The following ATXN7L1 variants were observed in gnomAD, a reference collection of about 807,000 sequenced individuals.
ATXN7L1 encodes ataxin-7-like protein 1.
ATXN7L1 carries 15 observed loss-of-function variants against 70.8 expected under a neutral mutation model. That is an observed-to-expected ratio of 0.21 (90% confidence interval 0.14 to 0.33). The LOEUF (loss-of-function observed/expected upper bound fraction) is 0.33, where lower values mean the gene tolerates loss of function less well. Ranked by LOEUF, ATXN7L1 falls within the 10% of genes least tolerant of loss-of-function variation. ATXN7L1 has a pLI of 1.00. For missense variants in ATXN7L1, 975 were observed against 1,097.1 expected, an observed-to-expected ratio of 0.89 and a Z score of 1.57; for synonymous variants, 440 against 445.1, an observed-to-expected ratio of 0.99 and a Z score of 0.14.
chr7:105,716,227 T>C (rs1014703711), intron 3 of ATXN7L1, among the ~76,000 whole-genome samples: 2 of 152,128 alleles, frequency 1.3e-5, no homozygotes, highest in African/African-American at 2.4e-5. Context: ...TATAAATTCA[T>C]TATATACTTA....
At chr7:105,788,499 G>T in intron 3 of ATXN7L1, 105 bp downstream of exon 3, 1 of 942,386 alleles carries the variant, frequency 1.1e-6, no homozygotes, top group Non-Finnish European at 1.7e-6. Flanking sequence ...CACAGCCTCA[G>T]GCTGAGACAA....
In ATXN7L1 at chr7:105,727,769, T is replaced by TATATATATA. The variant is rs1471265583; in HGVS notation, c.355+60826_355+60834dup. Reference sequence around the variant, plus strand: ...GTGTATATATATATATATATATATATATATATATACACACACATACACACA... The same window carrying TATATATATA: ...GTGTATATATATATATATATATATATATATATATAATATATATACACACACATACACACA... On this transcript the variant is annotated intron_variant, in intron 3 of 11. Transcript: ENST00000419735. Among the ~76,000 whole-genome samples, 345 of 120,218 alleles carry TATATATATA rather than the reference T, an allele frequency of 2.9e-3. 1 individual carries two copies. The highest frequency in any genetic ancestry group is 4.6e-3 in the Non-Finnish European group (270 of 59,200). 78.9% of individuals were successfully genotyped at this position (120,218 alleles called of 152,430 possible).
At chr7:105,746,285 C>G (rs1435376509) in intron 3 of ATXN7L1, among the ~76,000 whole-genome samples, 1 of 152,210 alleles carries the variant, frequency 6.6e-6, no homozygotes, top group East Asian at 1.9e-4. Context: ...GCATGTCTCT[C>G]TCTGGCTCAG....
intron 4 of ATXN7L1, among the ~76,000 whole-genome samples, chr7:105,660,945 T>C (rs1801514861): frequency 6.6e-6 from 1 of 152,214 alleles, no homozygotes; most frequent in Non-Finnish European, 1.5e-5. Context: ...CCTTCTCCTT[T>C]GCTACCAACC....
chr7:105,663,774 C>CT (rs1426191054), intron 4 of ATXN7L1, among the ~76,000 whole-genome samples: 10 of 150,562 alleles, frequency 6.6e-5, no homozygotes, highest in African/African-American at 1.5e-4. Flanking sequence ...TTTTTTTTTT[C>CT]TTTTTTTTGA....
At chr7:105,740,784 T>TTTTTTTTTTTTTTTTTTTTTTG (rs556048408) in intron 3 of ATXN7L1, among the ~76,000 whole-genome samples, 8,992 of 76,878 alleles carry the variant, frequency 0.12, 2,316 homozygotes, top group East Asian at 0.27. Flanking sequence ...TTTTTTTTTT[T>TTTTTTTTTTTTTTTTTTTTTTG]AATGGAGTCT....
intron 3 of ATXN7L1, among the ~76,000 whole-genome samples, chr7:105,746,233 TC>T (rs1798573880): frequency 1.3e-5 from 2 of 152,182 alleles, no homozygotes; most frequent in Admixed American, 1.3e-4. Context: ...TTCCCACCCT[TC>T]CTGTGTCTAC....
intron 3 of ATXN7L1, among the ~76,000 whole-genome samples, chr7:105,704,766 A>G (rs1157437840): frequency 6.6e-6 from 1 of 151,040 alleles, no homozygotes; most frequent in Non-Finnish European, 1.5e-5. Context: ...ATGTGCCATC[A>G]CACCCGGCTA....
intron 3 of ATXN7L1, among the ~76,000 whole-genome samples, chr7:105,724,901 A>G (rs995757972): frequency 1.3e-5 from 2 of 151,908 alleles, no homozygotes; most frequent in Admixed American, 1.3e-4. Context: ...ATCATAGCTC[A>G]CTGCAGCCTC....
intron 3 of ATXN7L1, among the ~76,000 whole-genome samples, chr7:105,720,233 C>T (rs543553435): frequency 2.6e-5 from 4 of 152,296 alleles, no homozygotes; most frequent in African/African-American, 9.6e-5. Context: ...CAGACTTGAA[C>T]AGACAGAATT....
rs1018165586 is a variant in ATXN7L1 at position 105,816,729 on chromosome 7, C to T, written c.251-28021G>A. 1.2e-4 allele frequency among the ~76,000 whole-genome samples: 19 copies of T among 152,324 alleles called. No individual in the cohort carries two copies. The East Asian group carries it at 1.7e-3, about 14-fold the overall frequency. On this transcript the variant is annotated intron_variant, in intron 2 of 11. Transcript: ENST00000419735. Reference sequence around the variant, plus strand: ...GGGAGCTGGAATGCTCTGGAAGGTTCGTTCCTATGCAGGACAAGCCAAGAA... The same window carrying T: ...GGGAGCTGGAATGCTCTGGAAGGTTTGTTCCTATGCAGGACAAGCCAAGAA...
chr7:105,845,722 A>C (rs1178712271), intron 2 of ATXN7L1, among the ~76,000 whole-genome samples: 1 of 152,190 alleles, frequency 6.6e-6, no homozygotes, highest in East Asian at 1.9e-4. Context: ...AATGGAACAG[A>C]ACTGAGAGTC....
At chr7:105,862,375 G>A (rs1367656117) in intron 2 of ATXN7L1, among the ~76,000 whole-genome samples, 1 of 152,120 alleles carries the variant, frequency 6.6e-6, no homozygotes, top group Non-Finnish European at 1.5e-5. Flanking sequence ...GGAGGTCAAG[G>A]CTGCAGTGAA....
chr7:105,867,946 C>T (rs1431967757), intron 2 of ATXN7L1, among the ~76,000 whole-genome samples: 2 of 152,152 alleles, frequency 1.3e-5, no homozygotes, highest in Non-Finnish European at 2.9e-5. Context: ...GGACAGCGCC[C>T]CCAAAAAGAA....
intron 4 of ATXN7L1, among the ~76,000 whole-genome samples, chr7:105,647,669 A>C (rs1348030815): frequency 6.6e-6 from 1 of 152,188 alleles, no homozygotes; most frequent in Admixed American, 6.5e-5. Flanking sequence ...CAGCAAAAAC[A>C]AGCCAAGCAG....
chr7:105,642,132 C>T (rs773979842), intron 5 of ATXN7L1, among the ~76,000 whole-genome samples: 2 of 152,204 alleles, frequency 1.3e-5, no homozygotes, highest in Non-Finnish European at 2.9e-5. Context: ...GCAGATCGAT[C>T]CAAAGCAAAC....
At chr7:105,672,577 G>A (rs1370598627) in intron 3 of ATXN7L1, among the ~76,000 whole-genome samples, 1 of 152,146 alleles carries the variant, frequency 6.6e-6, no homozygotes, top group Non-Finnish European at 1.5e-5. Flanking sequence ...TAATTCCTGA[G>A]GCTCAGAGAT....
intron 10 of ATXN7L1, 97 bp from the exon 11 acceptor site, chr7:105,610,700 T>C (rs1307532442): frequency 1.2e-5 from 12 of 1,000,666 alleles, no homozygotes; most frequent in Non-Finnish European, 1.8e-5. Flanking sequence ...GGCTGCACAA[T>C]GCCTCCTTCA....
intron 3 of ATXN7L1, among the ~76,000 whole-genome samples, chr7:105,777,605 C>T (rs1178230194): frequency 6.6e-6 from 1 of 152,224 alleles, no homozygotes; most frequent in Non-Finnish European, 1.5e-5. Context: ...TCAGCAAATT[C>T]TGTCAGCTAC....
Sources: gnomAD v4.1 joint callset for allele counts (sites outside exome capture counted in the v4.1 genomes callset) on GRCh38, gnomAD v4.1.1 for gene constraint, MANE v1.5 for transcripts, NCBI Gene and HGNC (gene_info 2026-07-23, HGNC 2026-07-21) for gene names.